The following TSPAN9 variants were observed in gnomAD, a reference collection of about 807,000 sequenced individuals.
TSPAN9 encodes the protein tetraspanin 9.
A neutral mutation model predicts 31.0 loss-of-function variants in TSPAN9; 16 were observed. That is an observed-to-expected ratio of 0.52 (90% CI 0.35 to 0.78). The LOEUF is 0.78. TSPAN9 is among the 30% of genes least tolerant of loss of function. The pLI, the probability that TSPAN9 is intolerant of heterozygous loss-of-function variation, is 0.01. For missense variants in TSPAN9, 272 were observed against 312.5 expected (o/e 0.87, Z 0.98); for synonymous variants, 145 against 121.6 (o/e 1.19, Z -1.27).
chr12:3,250,077 A>T (rs545332224), intron 3 of TSPAN9, among the ~76,000 whole-genome samples: 13 of 152,130 alleles, frequency 8.5e-5, no homozygotes, highest in Non-Finnish European at 1.3e-4. Flanking sequence ...GTGGGGTGGG[A>T]TGTTTCCTCC....
chr12:3,210,603 T>C (rs1365148939), intron 3 of TSPAN9, among the ~76,000 whole-genome samples: 4 of 152,218 alleles, frequency 2.6e-5, no homozygotes, highest in Non-Finnish European at 5.9e-5. Flanking sequence ...AGTTTATAGT[T>C]TGTCTTTTCA....
chr12:3,279,018 C>G lies in TSPAN9; in HGVS notation c.282C>G (p.Leu94=), dbSNP rs779517567. 6.2e-7 allele frequency: 1 copy of G among 1,614,180 alleles called. No homozygotes were observed. Among genetic ancestry groups the G allele is most frequent in the South Asian group, 1.1e-5 (1 of 91,080 alleles). Residue 94 remains leucine, a synonymous_variant, in exon 5 of 9, where the codon CTC becomes CTG. Transcript: ENST00000011898. The part of the protein sequence containing the change: ...LSFFIVLLVI[L]LAELILLILF... Reference sequence around the variant, plus strand: ...TTTTCATCGTCCTGTTGGTCATCCTCCTAGCAGAGCTGATCTTACTCATCC... The same window carrying G: ...TTTTCATCGTCCTGTTGGTCATCCTGCTAGCAGAGCTGATCTTACTCATCC...
intron 2 of TSPAN9, among the ~76,000 whole-genome samples, chr12:3,185,906 C>T (rs1419214798): frequency 5.3e-5 from 8 of 152,194 alleles, no homozygotes; most frequent in Admixed American, 2.6e-4. Context: ...GGGAATGCCT[C>T]GAACCTGACC....
intron 2 of TSPAN9, among the ~76,000 whole-genome samples, chr12:3,163,532 A>T (rs188774014): frequency 2.0e-4 from 30 of 152,324 alleles, no homozygotes; most frequent in Admixed American, 7.2e-4. Flanking sequence ...CACTCAACAA[A>T]GTCTGCTTAA....
At chr12:3,123,423 G>A (rs529955837) in intron 2 of TSPAN9, among the ~76,000 whole-genome samples, 9 of 152,098 alleles carry the variant, frequency 5.9e-5, no homozygotes, top group African/African-American at 1.9e-4. Context: ...CCCGCCTGCC[G>A]TCCCAAGCCT....
At chr12:3,097,701 C>G (rs151170779) in intron 2 of TSPAN9, among the ~76,000 whole-genome samples, 2 of 152,232 alleles carry the variant, frequency 1.3e-5, no homozygotes, top group Admixed American at 6.5e-5. Flanking sequence ...TGGCTCCCCC[C>G]GCAATCCATG....
intron 2 of TSPAN9, among the ~76,000 whole-genome samples, chr12:3,135,515 C>G (rs983610111): frequency 6.6e-6 from 1 of 152,180 alleles, no homozygotes; most frequent in African/African-American, 2.4e-5. Context: ...CCTCTGCTTC[C>G]TGCTAGGTTC....
chr12:3,133,481 C>T (rs540708132), intron 2 of TSPAN9, among the ~76,000 whole-genome samples: 98 of 152,268 alleles, frequency 6.4e-4, no homozygotes, highest in Non-Finnish European at 1.0e-3. Flanking sequence ...CAGGGACCCT[C>T]CCAGGGGAAA....
At chr12:3,199,941 A>G (rs2098370322) in intron 2 of TSPAN9, 1 of 152,486 alleles carries the variant, frequency 6.6e-6, no homozygotes. Context: ...CCCCAAGTGC[A>G]TAGGGGGCGG....
intron 3 of TSPAN9, among the ~76,000 whole-genome samples, chr12:3,246,579 T>G (rs633311): frequency 1.3e-5 from 2 of 152,084 alleles, no homozygotes; most frequent in East Asian, 3.9e-4. Flanking sequence ...AGCCCATTCC[T>G]CCCTCAGTGC....
intron 3 of TSPAN9, among the ~76,000 whole-genome samples, chr12:3,243,737 A>G (rs2098397860): frequency 6.6e-6 from 1 of 152,074 alleles, no homozygotes; most frequent in Admixed American, 6.5e-5. Context: ...CTGGCTGAGG[A>G]GGGCCATGTA....
intron 2 of TSPAN9, among the ~76,000 whole-genome samples, chr12:3,095,646 C>T (rs1278474132): frequency 1.4e-5 from 2 of 147,352 alleles, no homozygotes; most frequent in African/African-American, 2.5e-5. Flanking sequence ...CCCCCACCTC[C>T]CTCCCGGACG....
chr12:3,178,001 G>A (rs945308122), intron 2 of TSPAN9, among the ~76,000 whole-genome samples: 11 of 152,194 alleles, frequency 7.2e-5, no homozygotes, highest in African/African-American at 2.2e-4. Context: ...GCCCTCAGTC[G>A]TGCAGGTTTC....
chr12:3,186,347 T>C (rs899824382), intron 2 of TSPAN9, among the ~76,000 whole-genome samples: 5 of 152,112 alleles, frequency 3.3e-5, no homozygotes, highest in Non-Finnish European at 5.9e-5. Context: ...GGTACAGTTT[T>C]GAATGGGGTG....
At chr12:3,101,974 T>C (rs527624934) in intron 2 of TSPAN9, among the ~76,000 whole-genome samples, 1 of 152,282 alleles carries the variant, frequency 6.6e-6, no homozygotes, top group East Asian at 1.9e-4. Context: ...CTAGGGTCTT[T>C]CTTTTCCTCG....
intron 3 of TSPAN9, among the ~76,000 whole-genome samples, chr12:3,202,835 C>G (rs929223405): frequency 2.0e-5 from 3 of 152,196 alleles, no homozygotes; most frequent in Admixed American, 2.0e-4. Flanking sequence ...TTTATGGAAG[C>G]TGGGGCAGAT....
rs1565610234 is a variant in TSPAN9 at position 3,198,192 on chromosome 12, CCACCACCAGCACAGGT to C, written c.-17-2938_-17-2923del. ...CAGCACAGCTCACCACCAGCACAGG[CCACCACCAGCACAGGT>C]CACCACCAGCACAGGTCACCACCAG... is the stretch of plus-strand genomic sequence containing the variant. On this transcript the variant is annotated intron_variant, in intron 2 of 8. Transcript: ENST00000011898. Among the ~76,000 whole-genome samples the C allele has an allele frequency of 2.1e-3, 126 of 59,968 alleles. 1 individual carries two copies. The highest frequency in any genetic ancestry group is 3.1e-3 in the Admixed American group (15 of 4,822). The allele number at this position is 59,968 out of a possible 152,430, so 39.3% of individuals were successfully genotyped here.
chr12:3,167,403 T>TA (rs2098349076), intron 2 of TSPAN9, among the ~76,000 whole-genome samples: 1 of 152,172 alleles, frequency 6.6e-6, no homozygotes, highest in Admixed American at 6.5e-5. Flanking sequence ...GGATGATAGG[T>TA]AAACATATAA....
In TSPAN9 at chr12:3,168,618, G is replaced by A. The variant is rs2098349929; in HGVS notation, c.-17-32559G>A. The stretch of plus-strand genomic sequence containing the variant: ...TGAGTCATTGTCACTTGCTTGTGAA[G>A]TGCTGCATCCAATCTCTTTACGAAT... On this transcript the variant is annotated intron_variant, in intron 2 of 8. Transcript: ENST00000011898. The surrounding 1 kb of genome is among the most constrained non-coding windows in gnomAD (Gnocchi z 4.0). 6.6e-6 allele frequency among the ~76,000 whole-genome samples: 1 copy of A among 152,198 alleles called. No individual in the cohort carries two copies. The highest frequency in any genetic ancestry group is 1.9e-4 in the East Asian group (1 of 5,194).
Sources: allele counts gnomAD v4.1 joint callset (sites outside exome capture counted in the v4.1 genomes callset), GRCh38; gene constraint gnomAD v4.1.1; non-coding constraint Gnocchi (gnomAD v3.1); transcripts MANE v1.5; gene names NCBI Gene and HGNC (gene_info 2026-07-23, HGNC 2026-07-21).